SEMA3A: variants seen among roughly 807,000 people sequenced by gnomAD.
SEMA3A encodes the protein semaphorin-3A.
A neutral mutation model predicts 97.9 loss-of-function variants in SEMA3A; 29 were observed. That is an observed-to-expected ratio of 0.30 (90% CI 0.22 to 0.40). SEMA3A has a LOEUF of 0.40. SEMA3A is among the 10% of genes least tolerant of loss of function. SEMA3A has a pLI of 1.00. For synonymous variants in SEMA3A, 321 were observed against 323.7 expected (o/e 0.99, Z 0.09); for missense variants, 763 against 951.3 (o/e 0.80, Z 2.60).
chr7:84,108,165 G>A lies in SEMA3A; in HGVS notation c.453+2305C>T, dbSNP rs139588859. Among the ~76,000 whole-genome samples, 263 of 152,150 alleles carry A rather than the reference G, an allele frequency of 1.7e-3. 1 individual carries two copies. Among genetic ancestry groups the A allele is most frequent in the African/African-American group, 6.0e-3 (250 of 41,516 alleles). On this transcript the variant is annotated intron_variant, in intron 4 of 16. Transcript: ENST00000265362. Reference sequence around the variant, plus strand: ...CAATGTTTAACTTTCACAACTGTATGAGGTACAGACCATTTTCCTTACAAA... The same window carrying A: ...CAATGTTTAACTTTCACAACTGTATAAGGTACAGACCATTTTCCTTACAAA...
intron 4 of SEMA3A, among the ~76,000 whole-genome samples, chr7:84,073,987 T>C (rs1562759195): frequency 1.3e-5 from 2 of 152,076 alleles, no homozygotes; most frequent in South Asian, 4.1e-4. Flanking sequence ...TCTAACACAG[T>C]GTAATTTTAA....
At chr7:83,965,658 ATATATAT>A (rs1788658978) in intron 15 of SEMA3A, among the ~76,000 whole-genome samples, 1 of 10,460 alleles carries the variant, frequency 9.6e-5, no homozygotes, top group African/African-American at 3.3e-4. Context: ...ATATATATAT[ATATATAT>A]ATTTTTTTTT....
At chr7:84,098,616 T>A (rs1794851268) in intron 4 of SEMA3A, among the ~76,000 whole-genome samples, 1 of 152,154 alleles carries the variant, frequency 6.6e-6, no homozygotes, top group Non-Finnish European at 1.5e-5. Context: ...CATACACTAT[T>A]TCAGCATGAA....
In SEMA3A at chr7:84,231,741, T is replaced by G. The variant is rs192716604; in HGVS notation, c.-82-37073A>C. On this transcript the variant is annotated intron_variant, in intron 3 of 3. Transcript: ENST00000424555. The stretch of plus-strand genomic sequence containing the variant: ...ATAAATTAGCACCCTGAGGACATCC[T>G]TTGGCTGATCTTTACTAAGCAAGAG... 2.0e-5 allele frequency among the ~76,000 whole-genome samples: 3 copies of G among 148,266 alleles called. No individual in the cohort carries two copies. In the Admixed American group the frequency reaches 2.1e-4, roughly 10 times the overall value.
chr7:84,103,217 C>T (rs1347066379), intron 4 of SEMA3A, among the ~76,000 whole-genome samples: 1 of 152,080 alleles, frequency 6.6e-6, no homozygotes, highest in East Asian at 1.9e-4. Flanking sequence ...CTATCTCAAC[C>T]ACAGCAAAAT....
intron 1 of SEMA3A, among the ~76,000 whole-genome samples, chr7:84,397,343 T>C (rs1019316916): frequency 6.6e-6 from 1 of 150,406 alleles, no homozygotes; most frequent in South Asian, 2.1e-4. Flanking sequence ...ATTGTGAACA[T>C]TTAATGTTTC....
At chr7:84,402,676 A>T (rs73386973) in intron 1 of SEMA3A, among the ~76,000 whole-genome samples, 2,078 of 152,312 alleles carry the variant, frequency 0.014, 61 homozygotes, top group African/African-American at 0.047. Context: ...TATTATTATT[A>T]ATGGATGAAT....
chr7:84,448,923 C>T (rs1031198919), intron 1 of SEMA3A, among the ~76,000 whole-genome samples: 1 of 152,048 alleles, frequency 6.6e-6, no homozygotes, highest in African/African-American at 2.4e-5. Flanking sequence ...ACAATAACCA[C>T]AACAATCCGG....
At chr7:84,443,223 G>A (rs906104234) in intron 1 of SEMA3A, among the ~76,000 whole-genome samples, 29 of 151,860 alleles carry the variant, frequency 1.9e-4, no homozygotes, top group Non-Finnish European at 4.3e-4. Flanking sequence ...TCATACATTA[G>A]GCAACAAATT....
chr7:83,986,460 G>A (rs1171364684), intron 12 of SEMA3A, among the ~76,000 whole-genome samples: 1 of 152,080 alleles, frequency 6.6e-6, no homozygotes, highest in Non-Finnish European at 1.5e-5. Flanking sequence ...TAAATAAATT[G>A]GGTTCTTTGA....
intron 3 of SEMA3A, among the ~76,000 whole-genome samples, chr7:84,112,585 C>T (rs1356675233): frequency 6.6e-6 from 1 of 152,108 alleles, no homozygotes; most frequent in Non-Finnish European, 1.5e-5. Flanking sequence ...TTCATGTCAC[C>T]TCTGCAACTG....
intron 2 of SEMA3A, among the ~76,000 whole-genome samples, chr7:84,312,915 TATATATACAC>T (rs1338583742): frequency 0.011 from 483 of 43,360 alleles, 4 homozygotes; most frequent in Non-Finnish European, 0.017. Flanking sequence ...TATATATATA[TATATATACAC>T]ACACACACAC....
chr7:84,276,968 G>T (rs939223156), intron 3 of SEMA3A, among the ~76,000 whole-genome samples: 3 of 151,866 alleles, frequency 2.0e-5, no homozygotes, highest in Non-Finnish European at 4.4e-5. Context: ...ATGTTTTGTG[G>T]GTAAAGCATT....
intron 3 of SEMA3A, among the ~76,000 whole-genome samples, chr7:84,127,673 C>T (rs1280577616): frequency 6.6e-6 from 1 of 152,176 alleles, no homozygotes; most frequent in African/African-American, 2.4e-5. Context: ...TAACTTCCTT[C>T]ACCTATAGGC....
chr7:84,383,040 TCAAA>T (rs1201503387), intron 1 of SEMA3A, among the ~76,000 whole-genome samples: 6 of 152,222 alleles, frequency 3.9e-5, no homozygotes, highest in African/African-American at 7.2e-5. Context: ...GGAATAACTC[TCAAA>T]CATTTATGTC....
chr7:84,060,113 C>T (rs560104719), intron 5 of SEMA3A, among the ~76,000 whole-genome samples: 20 of 152,158 alleles, frequency 1.3e-4, no homozygotes, highest in African/African-American at 4.8e-4. Flanking sequence ...AAGGTGAATA[C>T]AGAATGTAAC....
chr7:84,090,545 T>C (rs1023489335), intron 4 of SEMA3A, among the ~76,000 whole-genome samples: 2 of 151,858 alleles, frequency 1.3e-5, no homozygotes, highest in African/African-American at 4.8e-5. Context: ...GAACAAATAA[T>C]GCAAACAAGC....
At chr7:84,490,199 C>CAAAAA (rs35030948) in intron 1 of SEMA3A, among the ~76,000 whole-genome samples, 1 of 101,002 alleles carries the variant, frequency 9.9e-6, no homozygotes, top group African/African-American at 3.5e-5. Flanking sequence ...GCTTTTCCAG[C>CAAAAA]AAAAAAAAAA....
intron 2 of SEMA3A, among the ~76,000 whole-genome samples, chr7:84,324,711 G>T (rs1801731470): frequency 2.0e-5 from 3 of 151,748 alleles, no homozygotes; most frequent in Admixed American, 2.0e-4. Flanking sequence ...GAAGCACATG[G>T]TCTTAAAAAT....
Sources: gnomAD v4.1 joint callset for allele counts (sites outside exome capture counted in the v4.1 genomes callset) on GRCh38, gnomAD v4.1.1 for gene constraint, MANE v1.5 for transcripts, NCBI Gene and HGNC (gene_info 2026-07-23, HGNC 2026-07-21) for gene names.